Variants in TDRD5 observed in about 807,000 individuals in gnomAD.
TDRD5 encodes tudor domain containing 5, also known as tudor domain-containing protein 5.
TDRD5 carries 41 observed loss-of-function variants against 120.6 expected under a neutral mutation model. The observed-to-expected ratio is 0.34, with a 90% CI of 0.26 to 0.44. The LOEUF (loss-of-function observed/expected upper bound fraction) is 0.44. Ranked by LOEUF, TDRD5 falls within the 20% of genes least tolerant of loss-of-function variation. The pLI, the probability that TDRD5 is intolerant of heterozygous loss-of-function variation, is 1.00. For missense variants in TDRD5, 1,006 were observed against 1,221.2 expected (o/e 0.82, Z 2.63); for synonymous variants, 430 against 433.7 (o/e 0.99, Z 0.11).
chr1:179,642,048 G>A (rs1426948246), intron 11 of TDRD5, among the ~76,000 whole-genome samples: 4 of 151,842 alleles, frequency 2.6e-5, no homozygotes, highest in Non-Finnish European at 5.9e-5. Flanking sequence ...CAGCCAGATA[G>A]CTTCCATTTT....
At chr1:179,663,988 G>T (rs983724228) in intron 16 of TDRD5, among the ~76,000 whole-genome samples, 2 of 152,066 alleles carry the variant, frequency 1.3e-5, no homozygotes, top group African/African-American at 4.8e-5. Context: ...AATATATTAC[G>T]AGCATCCTGA....
At chr1:179,651,149 T>G in intron 12 of TDRD5, 82 bp downstream of exon 12, 1 of 1,438,344 alleles carries the variant, frequency 7.0e-7, no homozygotes, top group South Asian at 1.3e-5. Flanking sequence ...ATAAAGAAGT[T>G]TATTTGGTTT....
chr1:179,641,462 G>A (rs1200273908), intron 11 of TDRD5, among the ~76,000 whole-genome samples: 1 of 151,880 alleles, frequency 6.6e-6, no homozygotes, highest in East Asian at 1.9e-4. Context: ...CCCGGGAGGC[G>A]GAGGTTGCAG....
chr1:179,679,002 T>C (rs1680288192), intron 17 of TDRD5, among the ~76,000 whole-genome samples: 1 of 152,206 alleles, frequency 6.6e-6, no homozygotes, highest in Admixed American at 6.5e-5. Context: ...CTGTAGCCTT[T>C]TTGTAGATGC....
At chr1:179,607,202 A>G (rs543420886) in intron 4 of TDRD5, among the ~76,000 whole-genome samples, 1 of 152,186 alleles carries the variant, frequency 6.6e-6, no homozygotes, top group South Asian at 2.1e-4. Flanking sequence ...GCTAATGTAA[A>G]TAGTATTTTT....
chr1:179,652,060 T>C lies in TDRD5; in HGVS notation c.2023T>C (p.Leu675=). ...SSKGFSELNP[L]ALYTTSSGGP... is the part of the protein sequence containing the mutation. ...TTAGGGTTTCAGTGAGCTCAACCCT[T>C]TAGCTTTATACACGACATCCAGTGG... The change falls in exon 13 of 18, where the codon TTA becomes CTA. Residue 675 remains leucine (L), a synonymous_variant. Transcript: ENST00000444136. 1 of 1,613,676 alleles carries C rather than the reference T, an allele frequency of 6.2e-7. No individual in the cohort carries two copies. The highest frequency in any genetic ancestry group is 2.2e-5 in the East Asian group (1 of 44,878).
At position 179,675,318 on chromosome 1, in the gene TDRD5, C is replaced by T. The variant is rs1263207433; in HGVS notation, c.2860+5914C>T. ...TTTTTGAGACGGAGTCTCACTCTTTCGCCCAAGCTGGACTGCAGTGGCGCT... is the reference window on the plus strand; with the variant it reads ...TTTTTGAGACGGAGTCTCACTCTTTTGCCCAAGCTGGACTGCAGTGGCGCT... On this transcript the variant is annotated intron_variant, in intron 17 of 17. Coordinates refer to ENST00000444136, the MANE Select transcript of TDRD5 (RefSeq NM_001199085.3). Among the ~76,000 whole-genome samples the T allele has an allele frequency of 7.9e-5, 9 of 114,340 alleles. No individual in the cohort carries two copies. In the South Asian group the frequency reaches 9.1e-4, roughly 12 times the overall value. 75.0% of individuals were successfully genotyped at this position (114,340 alleles called of 152,430 possible).
chr1:179,665,904 G>A (rs1280061120), intron 16 of TDRD5, among the ~76,000 whole-genome samples: 1 of 152,082 alleles, frequency 6.6e-6, no homozygotes, highest in Non-Finnish European at 1.5e-5. Context: ...TTAGGATACA[G>A]TCCTCTCCTG....
At chr1:179,643,634 G>A (rs1678172488) in intron 11 of TDRD5, among the ~76,000 whole-genome samples, 1 of 152,108 alleles carries the variant, frequency 6.6e-6, no homozygotes, top group Non-Finnish European at 1.5e-5. Context: ...CAGATCAAAA[G>A]AATTATCCAA....
At chr1:179,666,393 C>T (rs1009414201) in intron 16 of TDRD5, among the ~76,000 whole-genome samples, 2 of 152,190 alleles carry the variant, frequency 1.3e-5, no homozygotes, top group African/African-American at 4.8e-5. Context: ...TTAAACAATA[C>T]TACAGTGATT....
chr1:179,643,571 A>G (rs1678167523), intron 11 of TDRD5, among the ~76,000 whole-genome samples: 1 of 152,262 alleles, frequency 6.6e-6, no homozygotes, highest in Non-Finnish European at 1.5e-5. Context: ...AAGTTTCAGC[A>G]TAGGCTTAAT....
chr1:179,625,164 G>A lies in TDRD5; in HGVS notation c.972+4073G>A, dbSNP rs369869714. Among the ~76,000 whole-genome samples, 13 of 146,524 alleles carry A rather than the reference G, an allele frequency of 8.9e-5. No individual in the cohort carries two copies. The East Asian group carries it at 9.8e-4, about 11-fold the overall frequency. ...AAAAAAAGAATCCCAACCCCAACCC[G>A]ACACCATGTACAAAAATTATTTCAA... On this transcript the variant is annotated intron_variant, in intron 6 of 17. Transcript: ENST00000444136.
At chr1:179,676,421 T>A (rs1680152255) in intron 17 of TDRD5, among the ~76,000 whole-genome samples, 1 of 152,218 alleles carries the variant, frequency 6.6e-6, no homozygotes, top group Non-Finnish European at 1.5e-5. Context: ...ACCTTGTTTT[T>A]TTCATTGTGT....
At chr1:179,640,801 A>C (rs1394986568) in intron 11 of TDRD5, among the ~76,000 whole-genome samples, 1 of 152,180 alleles carries the variant, frequency 6.6e-6, no homozygotes, top group Non-Finnish European at 1.5e-5. Context: ...AAAGGGGAGA[A>C]ATTTTAAGTA....
At chr1:179,689,854 G>A in intron 17 of TDRD5, among the ~76,000 whole-genome samples, 1 of 152,230 alleles carries the variant, frequency 6.6e-6, no homozygotes, top group South Asian at 2.1e-4. Context: ...CTCCAAGCCA[G>A]GCATGGGATA....
intron 9 of TDRD5, among the ~76,000 whole-genome samples, chr1:179,636,617 A>G (rs1363670641): frequency 6.6e-6 from 1 of 152,250 alleles, no homozygotes; most frequent in African/African-American, 2.4e-5. Context: ...TGTGTTGGTC[A>G]TTTGGAAAAT....
At chr1:179,685,382 T>C in intron 17 of TDRD5, among the ~76,000 whole-genome samples, 1 of 152,190 alleles carries the variant, frequency 6.6e-6, no homozygotes, top group East Asian at 1.9e-4. Context: ...CTGAGGCCTC[T>C]GTTCTGTTCC....
intron 8 of TDRD5, 40 bp from the exon 9 acceptor site, chr1:179,635,627 G>T (rs1226237662): frequency 2.6e-6 from 4 of 1,567,392 alleles, no homozygotes; most frequent in African/African-American, 1.4e-5. Flanking sequence ...GGTTTGAAAT[G>T]TCACCAAGAG....
rs557280296 is a variant in TDRD5, at chr1:179,610,520, C to A, written c.832-8079C>A. Among the ~76,000 whole-genome samples, 27 of 152,250 alleles carry A rather than the reference C, an allele frequency of 1.8e-4. No individual in the cohort carries two copies. In the East Asian group the frequency reaches 5.2e-3, roughly 29 times the overall value. ...TCCAGAAAAGTATCAATATATGTTT[C>A]AACTCAGAGTGTGGTAGTGTCTTTT... On this transcript the variant is annotated intron_variant, in intron 4 of 17. Coordinates refer to ENST00000444136, the MANE Select transcript of TDRD5 (RefSeq NM_001199085.3).
Sources: gnomAD v4.1 joint callset for allele counts (sites outside exome capture counted in the v4.1 genomes callset) on GRCh38, gnomAD v4.1.1 for gene constraint, MANE v1.5 for transcripts, NCBI Gene and HGNC (gene_info 2026-07-23, HGNC 2026-07-21) for gene names.